Variants in SRR observed in about 807,000 individuals in gnomAD.
SRR encodes the protein serine racemase.
Under a neutral mutation model 32.7 loss-of-function variants are expected in SRR, and 19 were observed. That is an observed-to-expected ratio of 0.58 (90% CI 0.40 to 0.85). SRR has a LOEUF of 0.85. SRR is among the 40% of genes least tolerant of loss of function. The pLI, the probability that SRR is intolerant of heterozygous loss-of-function variation, is 0.00. For missense variants in SRR, 373 were observed against 404.7 expected (o/e 0.92, Z 0.67); for synonymous variants, 142 against 140.9 (o/e 1.01, Z -0.06).
chr17:2,308,789 C>G (rs2151429166), intron 1 of SRR, among the ~76,000 whole-genome samples: 1 of 151,912 alleles, frequency 6.6e-6, no homozygotes, highest in South Asian at 2.1e-4. Flanking sequence ...CCACTGCACT[C>G]CAGCCTGGTG....
intron 2 of SRR, among the ~76,000 whole-genome samples, chr17:2,317,046 A>G (rs1352347148): frequency 6.6e-6 from 1 of 151,146 alleles, no homozygotes; most frequent in African/African-American, 2.4e-5. Flanking sequence ...TCTACTAAAA[A>G]TACAAAATGA....
Position 2,303,960 on chromosome 17 carries a change from G to C in SRR, c.-62G>C, listed in dbSNP as rs1225558956. 1 of 394,152 alleles carries C rather than the reference G, an allele frequency of 2.5e-6. No individual in the cohort carries two copies. Among genetic ancestry groups the C allele is most frequent in the Non-Finnish European group, 4.5e-6 (1 of 222,890 alleles). 24.4% of individuals were successfully genotyped at this position (394,152 alleles called of 1,614,324 possible). ...GGGCGGGCGCTGCGCGTGCGCAGAG[G>C]TGCGGCCGGGGAGGCGCGCGGAGGC... On this transcript the variant is annotated 5_prime_UTR_variant, in exon 1 of 8. Coordinates refer to ENST00000344595, the MANE Select transcript of SRR (RefSeq NM_021947.3).
Position 2,321,527 on chromosome 17 carries a change from A to G in SRR, c.520-15A>G, listed in dbSNP as rs775029232. The G allele has an allele frequency of 1.2e-6, 2 of 1,614,038 alleles. No homozygotes were observed. Among genetic ancestry groups the G allele is most frequent in the Non-Finnish European group, 8.5e-7 (1 of 1,179,944 alleles). On this transcript the variant is annotated splice_polypyrimidine_tract_variant and intron_variant, in intron 5 of 7. Coordinates refer to ENST00000344595, the MANE Select transcript of SRR (RefSeq NM_021947.3). Reference sequence around the variant, plus strand: ...TTAAATATAAAACTGCTTACAGTTTATATTTTCACTAAAGGTTCCTTTGGT... The same window carrying G: ...TTAAATATAAAACTGCTTACAGTTTGTATTTTCACTAAAGGTTCCTTTGGT...
At chr17:2,320,110 G>A (rs79787408) in intron 4 of SRR, among the ~76,000 whole-genome samples, 3 of 151,568 alleles carry the variant, frequency 2.0e-5, no homozygotes, top group African/African-American at 4.9e-5. Flanking sequence ...GAGCCACCAC[G>A]CCTGGCCAGA....
chr17:2,313,518 C>T (rs1011504067), intron 1 of SRR, among the ~76,000 whole-genome samples: 18 of 151,420 alleles, frequency 1.2e-4, no homozygotes, highest in Admixed American at 8.6e-4. Context: ...GGCGGATCAC[C>T]TAAGATCAGG....
chr17:2,315,169 A>T (rs2151432566), intron 1 of SRR, among the ~76,000 whole-genome samples: 1 of 146,470 alleles, frequency 6.8e-6, no homozygotes, highest in African/African-American at 2.5e-5. Context: ...TTGACCCGGG[A>T]GGCGGAGGTT....
chr17:2,307,047 A>G (rs1345635228), intron 1 of SRR: 5 of 1,274,604 alleles, frequency 3.9e-6, no homozygotes, highest in Non-Finnish European at 5.6e-6. Context: ...AAGATTCTCA[A>G]AGACCAGATG....
chr17:2,305,709 T>G (rs552715603), intron 1 of SRR, among the ~76,000 whole-genome samples: 1 of 151,922 alleles, frequency 6.6e-6, no homozygotes, highest in African/African-American at 2.4e-5. Context: ...TTGTTTTTCG[T>G]TTTTTTTGAG....
Position 2,323,128 on chromosome 17 carries a change from C to T in SRR, c.595-8C>T. On this transcript the variant is annotated splice_polypyrimidine_tract_variant and splice_region_variant and intron_variant, in intron 6 of 7. Transcript: ENST00000344595. ...GTTGTTAAGATGTCTTAATATTCCT[C>T]TTCCCAGGCTCTGAAACCTAGTGTG... 6.2e-7 allele frequency: 1 copy of T among 1,613,978 alleles called. No individual in the cohort carries two copies. The highest frequency in any genetic ancestry group is 1.3e-5 in the African/African-American group (1 of 75,034).
At chr17:2,322,625 C>T (rs541194344) in intron 6 of SRR, 7 of 154,942 alleles carry the variant, frequency 4.5e-5, no homozygotes, top group Non-Finnish European at 1.0e-4. Context: ...CTCTGCCTCC[C>T]GAGTAGCTGG....
chr17:2,314,482 C>G (rs1466103589), intron 1 of SRR, among the ~76,000 whole-genome samples: 1 of 151,442 alleles, frequency 6.6e-6, no homozygotes, highest in Non-Finnish European at 1.5e-5. Context: ...ACCAGGGAGG[C>G]TGAGGCAGGA....
chr17:2,311,826 G>A (rs558846770), intron 1 of SRR, among the ~76,000 whole-genome samples: 7 of 152,124 alleles, frequency 4.6e-5, no homozygotes, highest in Non-Finnish European at 1.0e-4. Flanking sequence ...TCTGGCCAAT[G>A]GAACAAAATA....
chr17:2,325,178 C>G lies in SRR; in HGVS notation c.*1305C>G. On this transcript the variant is annotated 3_prime_UTR_variant, in exon 8 of 8. Coordinates refer to ENST00000344595, the MANE Select transcript of SRR (RefSeq NM_021947.3). ...ATTAACAATGTTAAATGAAGACTTA[C>G]TGTATTTTGAAAACCATCATTACCT... 2.8e-6 allele frequency: 2 copies of G among 727,106 alleles called. No homozygotes were observed. The highest frequency in any genetic ancestry group is 2.2e-6 in the Non-Finnish European group (1 of 444,850). The allele number at this position is 727,106 out of a possible 1,614,324, so 45.0% of individuals were successfully genotyped here.
chr17:2,317,886 A>G lies in SRR; in HGVS notation c.185A>G (p.Asn62Ser), dbSNP rs1314155493. Residue 62 changes from asparagine (N) to serine (S), a missense_variant, in exon 3 of 8, where the codon AAT (asparagine) becomes AGT (serine). Coordinates refer to ENST00000344595, the MANE Select transcript of SRR (RefSeq NM_021947.3). ...CTTTTTCAGATTCGTGGTGCTCTCA[A>G]TGCCGTCAGAAGCTTGGTTCCTGAT... ...TGSFKIRGALNAVRSLVPDAL... is the reference protein window; with the variant it reads ...TGSFKIRGALSAVRSLVPDAL... 1.9e-6 allele frequency: 3 copies of G among 1,613,866 alleles called. No homozygotes were observed. Among genetic ancestry groups the G allele is most frequent in the East Asian group, 2.2e-5 (1 of 44,846 alleles).
At chr17:2,317,799 C>G (rs2075489404) in intron 2 of SRR, 71 bp from the exon 3 acceptor site, 2 of 1,524,230 alleles carry the variant, frequency 1.3e-6, no homozygotes, top group East Asian at 4.6e-5. Flanking sequence ...GATAGAAAAT[C>G]TAGAAAAGCT....
At position 2,324,628 on chromosome 17, in the gene SRR, T is replaced by C. The variant is rs773188622; in HGVS notation, c.*755T>C. ...CAAGATGAAACATTTACCCACAAAA[T>C]GTAAACCCAACCTTTATACCACAAA... On this transcript the variant is annotated 3_prime_UTR_variant, in exon 8 of 8. Transcript: ENST00000344595. 1.2e-6 allele frequency: 2 copies of C among 1,614,042 alleles called. No individual in the cohort carries two copies. The highest frequency in any genetic ancestry group is 2.2e-5 in the East Asian group (1 of 44,880).
At chr17:2,322,672 TTTTTG>T (rs1244504840) in intron 6 of SRR, 2 of 92,902 alleles carry the variant, frequency 2.2e-5, no homozygotes, top group Non-Finnish European at 2.3e-5. Flanking sequence ...GGCTAGTTTT[TTTTTG>T]TTTTTTTTTT....
intron 1 of SRR, chr17:2,307,604 C>A: frequency 1.0e-6 from 1 of 977,966 alleles, no homozygotes; most frequent in Non-Finnish European, 1.6e-6. Context: ...ACTTTGGAGG[C>A]AGAAGCTCTG....
In SRR at chr17:2,323,906, T is replaced by C. The variant is rs1332975757; in HGVS notation, c.*33T>C. 6.3e-7 allele frequency: 1 copy of C among 1,583,984 alleles called. No individual in the cohort carries two copies. Among genetic ancestry groups the C allele is most frequent in the Admixed American group, 1.7e-5 (1 of 59,534 alleles). On this transcript the variant is annotated 3_prime_UTR_variant, in exon 8 of 8. Coordinates refer to ENST00000344595, the MANE Select transcript of SRR (RefSeq NM_021947.3). ...AAAAGGAAATGGTGGGAATTCAGTG[T>C]CTTTAGATACTGAAGACATTTTGTT...
Sources: gnomAD v4.1 joint callset for allele counts (sites outside exome capture counted in the v4.1 genomes callset) on GRCh38, gnomAD v4.1.1 for gene constraint, MANE v1.5 for transcripts, NCBI Gene and HGNC (gene_info 2026-07-23, HGNC 2026-07-21) for gene names.